Variants in EHBP1 observed in about 807,000 individuals in gnomAD.
EHBP1 encodes the protein EH domain binding protein 1.
EHBP1 carries 55 observed loss-of-function variants against 144.0 expected under a neutral mutation model. That is an observed-to-expected ratio of 0.38 (90% CI 0.31 to 0.48). EHBP1 has a LOEUF of 0.48. Ranked by LOEUF, EHBP1 falls within the 20% of genes least tolerant of loss-of-function variation. EHBP1 has a pLI of 0.98. For missense variants in EHBP1, 1,200 were observed against 1,364.2 expected (o/e 0.88, Z 1.90); for synonymous variants, 469 against 472.7 (o/e 0.99, Z 0.10).
At chr2:62,926,765 T>C (rs1480135757) in intron 10 of EHBP1, among the ~76,000 whole-genome samples, 1 of 152,088 alleles carries the variant, frequency 6.6e-6, no homozygotes, top group Non-Finnish European at 1.5e-5. Context: ...CTATAGCCGC[T>C]ATGGAGAACA....
intron 7 of EHBP1, among the ~76,000 whole-genome samples, chr2:62,855,019 T>A (rs2048937215): frequency 2.0e-5 from 3 of 152,172 alleles, no homozygotes; most frequent in African/African-American, 7.2e-5. Context: ...AAGTTGTGGC[T>A]GTGGACCTGG....
intron 5 of EHBP1, among the ~76,000 whole-genome samples, chr2:62,811,411 G>A (rs1391439334): frequency 6.6e-6 from 1 of 152,186 alleles, no homozygotes; most frequent in African/African-American, 2.4e-5. Context: ...TGGAGGACCA[G>A]CATCACAGTT....
chr2:62,971,607 T>G (rs1574300830), intron 14 of EHBP1, among the ~76,000 whole-genome samples: 1 of 152,294 alleles, frequency 6.6e-6, no homozygotes, highest in Non-Finnish European at 1.5e-5. Context: ...CTGATTTTAA[T>G]TCTTACTATG....
intron 2 of EHBP1, among the ~76,000 whole-genome samples, chr2:62,740,427 G>A (rs909746627): frequency 2.0e-5 from 3 of 152,158 alleles, no homozygotes; most frequent in Non-Finnish European, 4.4e-5. Context: ...AACTGGAACT[G>A]TAGCAGTGGT....
intron 6 of EHBP1, among the ~76,000 whole-genome samples, chr2:62,829,846 T>C (rs1273126431): frequency 6.7e-6 from 1 of 149,378 alleles, no homozygotes; most frequent in Non-Finnish European, 1.5e-5. Context: ...AAAATAGATA[T>C]TGACATGGAT....
At chr2:62,921,291 C>T (rs1326124015) in intron 10 of EHBP1, among the ~76,000 whole-genome samples, 1 of 151,720 alleles carries the variant, frequency 6.6e-6, no homozygotes, top group African/African-American at 2.4e-5. Context: ...ACAAAAAATA[C>T]AAAAATTTGT....
intron 10 of EHBP1, among the ~76,000 whole-genome samples, chr2:62,939,244 G>A (rs2710651): frequency 0.54 from 82,321 of 152,020 alleles, 22,586 homozygotes; most frequent in African/African-American, 0.61. Context: ...GTGCTGAATT[G>A]GGGTTGGATG....
intron 16 of EHBP1, 147 bp downstream of exon 16, chr2:62,990,987 G>A (rs1027504672): frequency 1.5e-5 from 15 of 996,276 alleles, no homozygotes; most frequent in Non-Finnish European, 2.1e-5. Context: ...GTGAGGTGTG[G>A]TGGCTCATGC....
chr2:62,861,748 GA>G (rs879805138), intron 8 of EHBP1, among the ~76,000 whole-genome samples: 171 of 134,726 alleles, frequency 1.3e-3, no homozygotes, highest in Middle Eastern at 3.8e-3. Flanking sequence ...TCCAGCTCAG[GA>G]AAAAAAAAAA....
At chr2:62,869,994 G>A (rs1558827407) in intron 9 of EHBP1, among the ~76,000 whole-genome samples, 1 of 152,100 alleles carries the variant, frequency 6.6e-6, no homozygotes. Context: ...GAGACTATAT[G>A]AGTCTTTGCT....
upstream of EHBP1, among the ~76,000 whole-genome samples, chr2:62,705,474 C>A (rs1029826844): frequency 6.6e-6 from 1 of 152,034 alleles, no homozygotes; most frequent in Admixed American, 6.5e-5. Flanking sequence ...GCGGGATCGT[C>A]CTTAGTCGGT....
chr2:62,930,339 A>C (rs1490023590), intron 10 of EHBP1, among the ~76,000 whole-genome samples: 1 of 152,224 alleles, frequency 6.6e-6, no homozygotes, highest in Non-Finnish European at 1.5e-5. Context: ...AAAGACTTGC[A>C]CACTGAAAAC....
intron 16 of EHBP1, among the ~76,000 whole-genome samples, chr2:62,991,763 C>T (rs2059424441): frequency 6.6e-6 from 1 of 152,180 alleles, no homozygotes; most frequent in Non-Finnish European, 1.5e-5. Flanking sequence ...TTTCACCCAC[C>T]TGCGGACTAT....
At chr2:62,794,813 G>A (rs75949319) in intron 5 of EHBP1, among the ~76,000 whole-genome samples, 1,567 of 152,038 alleles carry the variant, frequency 0.01, 10 homozygotes, top group Non-Finnish European at 0.018. Context: ...TTTCTAAAAA[G>A]GTGGAAAAAC....
intron 10 of EHBP1, among the ~76,000 whole-genome samples, chr2:62,929,710 C>A (rs1440618043): frequency 6.6e-6 from 1 of 152,036 alleles, no homozygotes; most frequent in Non-Finnish European, 1.5e-5. Context: ...AAAGTCCTAG[C>A]CATCACACTT....
chr2:62,767,530 C>A (rs1320451875), intron 4 of EHBP1, among the ~76,000 whole-genome samples: 1 of 151,412 alleles, frequency 6.6e-6, no homozygotes, highest in African/African-American at 2.4e-5. Context: ...AACCCCATCT[C>A]TACAAAAAAT....
At chr2:62,771,807 C>G (rs1156497988) in intron 5 of EHBP1, 3 of 152,306 alleles carry the variant, frequency 2.0e-5, no homozygotes, top group Admixed American at 6.6e-5. Flanking sequence ...CCTTTGAAAT[C>G]TTTAAAAATA....
intron 10 of EHBP1, among the ~76,000 whole-genome samples, chr2:62,937,014 G>C (rs376554321): frequency 2.0e-5 from 3 of 152,158 alleles, no homozygotes; most frequent in African/African-American, 7.2e-5. Flanking sequence ...TCTTGTTCTA[G>C]TTCTAGCCAG....
chr2:62,971,528 G>T (rs749993574), intron 14 of EHBP1, among the ~76,000 whole-genome samples: 6 of 152,020 alleles, frequency 3.9e-5, no homozygotes, highest in Non-Finnish European at 5.9e-5. Context: ...ATCACTGTAG[G>T]GCCTCAGAAA....
Sources: gnomAD v4.1 joint callset for allele counts (sites outside exome capture counted in the v4.1 genomes callset) on GRCh38, gnomAD v4.1.1 for gene constraint, MANE v1.5 for transcripts, NCBI Gene and HGNC (gene_info 2026-07-23, HGNC 2026-07-21) for gene names.